SPATA9: variants seen among roughly 807,000 people sequenced by gnomAD.
SPATA9 encodes the protein spermatogenesis-associated protein 9.
In SPATA9, 27 loss-of-function variants were observed where a neutral mutation model predicts 25.5. The ratio of observed to expected loss-of-function variants is 1.06; its 90% CI spans 0.78 to 1.46. SPATA9 has a LOEUF of 1.46. Ranked by LOEUF, SPATA9 falls within the 40% of genes most tolerant of loss-of-function variation. SPATA9 has a pLI of 0.00. For synonymous variants in SPATA9, 102 were observed against 105.7 expected (o/e 0.97, Z 0.21); for missense variants, 282 against 297.5 (o/e 0.95, Z 0.38).
chr5:95,722,050 T>C, the SPATA9 span, among the ~76,000 whole-genome samples: 7 of 152,110 alleles, frequency 4.6e-5, no homozygotes, highest in African/African-American at 1.7e-4. Context: ...GGACCAAATG[T>C]ATTGTGTGAG....
chr5:95,729,940 T>C, the SPATA9 span, among the ~76,000 whole-genome samples: 6 of 152,204 alleles, frequency 3.9e-5, no homozygotes, highest in African/African-American at 9.7e-5. Context: ...TTTTGACTTA[T>C]GGGTTTCCGG....
At chr5:95,685,463 A>G (rs1450172273), upstream of SPATA9, among the ~76,000 whole-genome samples, 7 of 152,208 alleles carry the variant, frequency 4.6e-5, no homozygotes, top group South Asian at 6.2e-4. Context: ...TTGGCCTTAG[A>G]TCAAGGATTT....
the SPATA9 span, among the ~76,000 whole-genome samples, chr5:95,707,077 T>G: frequency 2.6e-5 from 4 of 152,218 alleles, no homozygotes; most frequent in African/African-American, 9.6e-5. Context: ...AATCAGAAAC[T>G]AACATTAGTG....
Position 95,682,287 on chromosome 5 carries a change from T to A in SPATA9, c.150+241A>T, listed in dbSNP as rs1406453816. The stretch of plus-strand genomic sequence containing the variant: ...AGAGACTGCCAGGTGTTTACCCTAA[T>A]GACATAGTTAATGTCTTTAAACTTA... On this transcript the variant is annotated intron_variant, in intron 2 of 4. Coordinates refer to ENST00000274432, the MANE Select transcript of SPATA9 (RefSeq NM_031952.4). Among the ~76,000 whole-genome samples the A allele has an allele frequency of 1.8e-4, 28 of 152,212 alleles. 1 individual carries two copies. The highest frequency in any genetic ancestry group is 1.7e-3 in the Admixed American group (26 of 15,272).
At chr5:95,687,821 A>G (rs1460715615), upstream of SPATA9, among the ~76,000 whole-genome samples, 2 of 152,240 alleles carry the variant, frequency 1.3e-5, no homozygotes, top group Non-Finnish European at 2.9e-5. Context: ...CTATCAGATT[A>G]TAAGTTCCCT....
chr5:95,665,911 G>A (rs1439211404), intron 3 of SPATA9, among the ~76,000 whole-genome samples: 1 of 152,220 alleles, frequency 6.6e-6, no homozygotes, highest in Non-Finnish European at 1.5e-5. Flanking sequence ...AGAGGTTGCA[G>A]TGAGCTGAAA....
the SPATA9 span, among the ~76,000 whole-genome samples, chr5:95,724,025 T>C: frequency 1.3e-5 from 2 of 152,264 alleles, no homozygotes; most frequent in Non-Finnish European, 2.9e-5. Context: ...TTAATGGTGA[T>C]ACGTCATTTG....
the SPATA9 span, chr5:95,708,768 T>C: frequency 4.8e-6 from 3 of 628,630 alleles, no homozygotes; most frequent in East Asian, 5.8e-5. Flanking sequence ...ACAGTGCACA[T>C]AGATCGACTG....
the SPATA9 span, among the ~76,000 whole-genome samples, chr5:95,703,946 C>T: frequency 1.3e-5 from 2 of 151,802 alleles, no homozygotes; most frequent in African/African-American, 4.8e-5. Context: ...CATTTTATAC[C>T]ACAATCATCC....
the SPATA9 span, among the ~76,000 whole-genome samples, chr5:95,723,428 C>T: frequency 1.3e-4 from 20 of 152,262 alleles, no homozygotes; most frequent in African/African-American, 4.8e-4. Context: ...AAGAATGACC[C>T]AGGGAATAAA....
Position 95,671,251 on chromosome 5 carries a change from A to G in SPATA9, c.378+4161T>C, listed in dbSNP as rs572819253. 7.2e-5 allele frequency among the ~76,000 whole-genome samples: 11 copies of G among 152,096 alleles called. No homozygotes were observed. The East Asian group carries it at 2.1e-3, about 29-fold the overall frequency. ...CTTTGGAATGCTATGTCTCTTCTTG[A>G]TGTTTCTGTAGTGCACTTTGCATAC... On this transcript the variant is annotated intron_variant, in intron 3 of 4. Transcript: ENST00000274432.
intron 4 of SPATA9, among the ~76,000 whole-genome samples, chr5:95,661,253 A>G (rs1751230535): frequency 6.6e-6 from 1 of 151,796 alleles, no homozygotes; most frequent in Admixed American, 6.6e-5. Flanking sequence ...TTGTCTCCCA[A>G]ATGGATTCTT....
the SPATA9 span, among the ~76,000 whole-genome samples, chr5:95,726,970 T>C: frequency 6.6e-6 from 1 of 152,118 alleles, no homozygotes; most frequent in Admixed American, 6.5e-5. Context: ...CCCCCCTTTT[T>C]TTTTTCAGTA....
the SPATA9 span, among the ~76,000 whole-genome samples, chr5:95,724,871 A>G: frequency 6.6e-6 from 1 of 152,150 alleles, no homozygotes; most frequent in African/African-American, 2.4e-5. Context: ...TGCCTGGTAC[A>G]TGGTAAGTAT....
the SPATA9 span, among the ~76,000 whole-genome samples, chr5:95,728,534 G>C: frequency 6.6e-6 from 1 of 152,084 alleles, no homozygotes; most frequent in African/African-American, 2.4e-5. Context: ...CTTTTACTTT[G>C]TACCTATCTC....
the SPATA9 span, among the ~76,000 whole-genome samples, chr5:95,716,010 C>T: frequency 6.6e-6 from 1 of 152,232 alleles, no homozygotes; most frequent in Admixed American, 6.5e-5. Context: ...CTATGACTCA[C>T]TGTCCACCAG....
At chr5:95,712,060 C>G in the SPATA9 span, among the ~76,000 whole-genome samples, 2 of 152,092 alleles carry the variant, frequency 1.3e-5, no homozygotes, top group African/African-American at 4.8e-5. Context: ...GGGCTCCAAC[C>G]CTTGCAAGGC....
At chr5:95,652,570 C>T (rs1044689964), downstream of SPATA9, 2 of 420,848 alleles carry the variant, frequency 4.8e-6, no homozygotes, top group Non-Finnish European at 8.1e-6. Flanking sequence ...CCTAGCTGCA[C>T]AAACCTAAAA....
chr5:95,652,546 G>A (rs1750410114), downstream of SPATA9: 1 of 520,638 alleles, frequency 1.9e-6, no homozygotes, highest in Non-Finnish European at 3.1e-6. Context: ...CACAGTCTTT[G>A]GCACTACAGT....
Sources: allele counts gnomAD v4.1 joint callset (sites outside exome capture counted in the v4.1 genomes callset), GRCh38; gene constraint gnomAD v4.1.1; transcripts MANE v1.5; gene names NCBI Gene and HGNC (gene_info 2026-07-23, HGNC 2026-07-21).